The following PKHD1 variants were observed in gnomAD, a reference collection of about 807,000 sequenced individuals.
The protein encoded by PKHD1 is fibrocystin.
In PKHD1, 291 loss-of-function variants were observed where a neutral mutation model predicts 412.0. That is an observed-to-expected ratio of 0.71 (90% CI 0.64 to 0.78). The LOEUF (loss-of-function observed/expected upper bound fraction) is 0.78. Among genes scored for constraint, PKHD1 ranks in the 30% least tolerant of loss-of-function variants. PKHD1 has a pLI of 0.00. For missense variants in PKHD1, 4,825 were observed against 4,950.7 expected, an observed-to-expected ratio of 0.97 and a Z score of 0.76; for synonymous variants, 1,777 against 1,821.5, an observed-to-expected ratio of 0.98 and a Z score of 0.62.
intron 35 of PKHD1, among the ~76,000 whole-genome samples, chr6:51,961,181 A>G (rs1210633228): frequency 6.6e-6 from 1 of 152,076 alleles, no homozygotes. Flanking sequence ...TGTTTGTAAT[A>G]CCGACAACTA....
intron 21 of PKHD1, among the ~76,000 whole-genome samples, chr6:52,050,654 C>A (rs1234959015): frequency 6.6e-6 from 1 of 152,160 alleles, no homozygotes; most frequent in South Asian, 2.1e-4. Flanking sequence ...TCCCACAGCC[C>A]CTGGCAACTC....
At chr6:51,760,392 C>A (rs1010173281) in intron 55 of PKHD1, among the ~76,000 whole-genome samples, 1 of 152,048 alleles carries the variant, frequency 6.6e-6, no homozygotes, top group African/African-American at 2.4e-5. Flanking sequence ...ACAGGACACA[C>A]AAATGTTAAA....
At position 51,843,973 on chromosome 6, in the gene PKHD1, T is replaced by C. The variant is rs191001663; in HGVS notation, c.8107+3802A>G. On this transcript the variant is annotated intron_variant, in intron 50 of 66. Transcript: ENST00000371117. Reference sequence around the variant, plus strand: ...TATGTCATATTATGGTGAATCCCATTTATCTCACAAAAATCTAGTAAAAGA... The same window carrying C: ...TATGTCATATTATGGTGAATCCCATCTATCTCACAAAAATCTAGTAAAAGA... 1.2e-4 allele frequency among the ~76,000 whole-genome samples: 18 copies of C among 152,310 alleles called. 1 individual carries two copies. The highest frequency in any genetic ancestry group is 1.0e-3 in the Admixed American group (16 of 15,298).
chr6:52,044,888 G>A (rs1033620682), intron 25 of PKHD1, 78 bp downstream of exon 25: 3 of 1,523,346 alleles, frequency 2.0e-6, no homozygotes, highest in Admixed American at 1.7e-5. Flanking sequence ...AAATCAATGA[G>A]TCCATGTTAC....
chr6:51,912,732 TTA>T (rs1169567938), intron 37 of PKHD1, among the ~76,000 whole-genome samples, 156 bp from the exon 38 acceptor site: 1 of 152,132 alleles, frequency 6.6e-6, no homozygotes, highest in Non-Finnish European at 1.5e-5. Flanking sequence ...ACTAATTTTT[TTA>T]TATTAGTTTT....
chr6:51,638,323 T>C (rs1768854442), intron 64 of PKHD1, among the ~76,000 whole-genome samples: 1 of 152,188 alleles, frequency 6.6e-6, no homozygotes, highest in Non-Finnish European at 1.5e-5. Context: ...GATCACTATA[T>C]TTTCATGAGA....
intron 60 of PKHD1, among the ~76,000 whole-genome samples, chr6:51,716,183 G>A (rs1462369256): frequency 3.9e-5 from 6 of 152,148 alleles, no homozygotes; most frequent in South Asian, 2.1e-4. Flanking sequence ...GCCAAGAGAA[G>A]ACCAAAAGCT....
chr6:51,630,150 A>G (rs1312308245), intron 65 of PKHD1, among the ~76,000 whole-genome samples: 1 of 152,222 alleles, frequency 6.6e-6, no homozygotes, highest in Admixed American at 6.5e-5. Flanking sequence ...TTCATGTAAC[A>G]AAGTACAAAA....
chr6:51,758,014 A>AAGAGAGAG (rs10534219), intron 55 of PKHD1, among the ~76,000 whole-genome samples: 3,750 of 125,940 alleles, frequency 0.03, 75 homozygotes, highest in Middle Eastern at 0.049. Context: ...ACCCTGCCAA[A>AAGAGAGAG]AGAGAGAGAG....
intron 48 of PKHD1, among the ~76,000 whole-genome samples, chr6:51,858,254 G>A (rs1318778721): frequency 2.0e-5 from 3 of 152,094 alleles, no homozygotes; most frequent in Non-Finnish European, 4.4e-5. Flanking sequence ...AAAAGCTTTA[G>A]AATGTTAAAT....
intron 37 of PKHD1, among the ~76,000 whole-genome samples, chr6:51,915,075 G>A (rs191582835): frequency 1.3e-5 from 2 of 152,110 alleles, no homozygotes; most frequent in East Asian, 3.9e-4. Flanking sequence ...GAGGAAGTTT[G>A]CACAAAGAAA....
At chr6:52,060,651 ATAGT>A (rs1199986275) in intron 14 of PKHD1, among the ~76,000 whole-genome samples, 1 of 152,190 alleles carries the variant, frequency 6.6e-6, no homozygotes, top group African/African-American at 2.4e-5. Context: ...ATAGGCAGAT[ATAGT>A]TAAAGAACTG....
intron 35 of PKHD1, among the ~76,000 whole-genome samples, chr6:51,993,327 C>A (rs188460231): frequency 9.1e-4 from 138 of 152,370 alleles, no homozygotes; most frequent in Non-Finnish European, 1.4e-3. Context: ...ATCTTTTACA[C>A]ATCTCATCAG....
rs71544105 is a variant in PKHD1, at chr6:51,880,779, T to TAAAAAAAAAAA, written c.7350+2303_7350+2313dup. Among the ~76,000 whole-genome samples the TAAAAAAAAAAA allele has an allele frequency of 1.1e-3, 32 of 30,044 alleles. 1 individual carries two copies. The highest frequency in any genetic ancestry group is 1.2e-3 in the Non-Finnish European group (25 of 21,190). 19.7% of individuals were successfully genotyped at this position (30,044 alleles called of 152,430 possible). A position where few individuals can be genotyped will look rare whatever the true frequency, so the allele number is the denominator to read the frequency against. ...CTTAGAGTATAATAAAAAAAAAAAT[T>TAAAAAAAAAAA]AAAAAAAAAAAAAAAAAAAAAAAAA... On this transcript the variant is annotated intron_variant, in intron 46 of 66. Transcript: ENST00000371117.
Position 51,643,923 on chromosome 6 carries a change from T to C in PKHD1, c.11398+4108A>G, listed in dbSNP as rs1449951506. Among the ~76,000 whole-genome samples, 3 of 151,946 alleles carry C rather than the reference T, an allele frequency of 2.0e-5. No homozygotes were observed. The East Asian group carries it at 5.8e-4, about 29-fold the overall frequency. On this transcript the variant is annotated intron_variant, in intron 63 of 66. Transcript: ENST00000371117. ...CCATGTGTTCTCACTGGAAAACATT[T>C]GGTGTCTTAATAAGTAATTAGATGG... is the stretch of plus-strand genomic sequence containing the variant.
At chr6:51,944,348 A>C (rs536623033) in intron 36 of PKHD1, among the ~76,000 whole-genome samples, 1 of 151,960 alleles carries the variant, frequency 6.6e-6, no homozygotes, top group African/African-American at 2.4e-5. Context: ...GACTCAGCCC[A>C]CCTGCACCCA....
intron 65 of PKHD1, among the ~76,000 whole-genome samples, chr6:51,628,928 C>T (rs1767607920): frequency 6.6e-6 from 1 of 152,136 alleles, no homozygotes; most frequent in Admixed American, 6.6e-5. Context: ...ACAACCATCT[C>T]ATCTTCAACA....
At chr6:51,872,349 GA>G (rs1776109351) in intron 46 of PKHD1, among the ~76,000 whole-genome samples, 3 of 151,288 alleles carry the variant, frequency 2.0e-5, no homozygotes, top group Non-Finnish European at 2.9e-5. Flanking sequence ...AAGTTCCTAA[GA>G]GCTTTCAGAG....
chr6:52,044,472 T>C (rs1367849575), intron 25 of PKHD1, among the ~76,000 whole-genome samples: 2 of 152,172 alleles, frequency 1.3e-5, no homozygotes, highest in Non-Finnish European at 2.9e-5. Context: ...ACAAAAAATA[T>C]AAATATATCA....
Sources: allele counts gnomAD v4.1 joint callset (sites outside exome capture counted in the v4.1 genomes callset), GRCh38; gene constraint gnomAD v4.1.1; transcripts MANE v1.5; gene names NCBI Gene and HGNC (gene_info 2026-07-23, HGNC 2026-07-21).